AIM2: variants seen among roughly 807,000 people sequenced by gnomAD.
AIM2 encodes absent in melanoma 2, also known as interferon-inducible protein AIM2.
Under a neutral mutation model 27.7 loss-of-function variants are expected in AIM2, and 30 were observed. The observed-to-expected ratio is 1.08, with a 90% CI of 0.81 to 1.47. The LOEUF is 1.47. AIM2 is among the 40% of genes most tolerant of loss of function. The pLI, the probability that AIM2 is intolerant of heterozygous loss-of-function variation, is 0.00. For missense variants in AIM2, 358 were observed against 411.3 expected, an observed-to-expected ratio of 0.87 and a Z score of 1.12; for synonymous variants, 141 against 145.3, an observed-to-expected ratio of 0.97 and a Z score of 0.21.
chr1:159,063,485 C>A lies in AIM2; in HGVS notation c.1005+1G>T, dbSNP rs773593561. The A allele has an allele frequency of 6.2e-7, 1 of 1,611,044 alleles. No homozygotes were observed. Among genetic ancestry groups the A allele is most frequent in the Non-Finnish European group, 8.5e-7 (1 of 1,178,936 alleles). ...TTGACTTTGTTCCATGCAGTTCCCA[C>A]CTTTATGGTGCTATGAACTCCAGAT... On this transcript the variant is annotated splice_donor_variant, in intron 5 of 5. Coordinates refer to ENST00000368130, the MANE Select transcript of AIM2 (RefSeq NM_004833.3). LOFTEE classifies it high-confidence loss of function.
intron 1 of AIM2, among the ~76,000 whole-genome samples, chr1:159,117,230 A>G (rs2102035653): frequency 6.6e-6 from 1 of 152,166 alleles, no homozygotes; most frequent in East Asian, 1.9e-4. Context: ...CGCACGAGAG[A>G]GAAAGACACA....
chr1:159,068,628 T>C lies in AIM2; in HGVS notation c.336A>G (p.Ala112=). ...GCTTTGCGACATCATTTCTGATGGC[T>C]GCAGATGCAGCAGGACTCATTTCAG... ...SQAEMSPAAS[A]AIRNDVAKQR... Residue 112 remains alanine (A), a synonymous_variant, in exon 3 of 6, where the codon GCA becomes GCG. Transcript: ENST00000368130. 1 of 1,613,998 alleles carries C rather than the reference T, an allele frequency of 6.2e-7. No homozygotes were observed. The highest frequency in any genetic ancestry group is 8.5e-7 in the Non-Finnish European group (1 of 1,179,894).
chr1:159,074,450 AT>A (rs199703223), intron 1 of AIM2, among the ~76,000 whole-genome samples: 6,780 of 147,920 alleles, frequency 0.046, 299 homozygotes, highest in African/African-American at 0.12. Flanking sequence ...ATTTTTAATG[AT>A]TTTTTTTTTT....
intron 1 of AIM2, among the ~76,000 whole-genome samples, chr1:159,097,417 G>A (rs1174962258): frequency 6.6e-6 from 1 of 151,920 alleles, no homozygotes; most frequent in African/African-American, 2.4e-5. Flanking sequence ...TCACCTCCCA[G>A]CCTGCAACCC....
chr1:159,110,795 C>T lies in AIM2; in HGVS notation c.-16+29636G>A, dbSNP rs143728850. ...AACTGAGATCAAACCCTTCACTGCACACATATTAATTTTTTTAGTGGCTAA... is the reference window on the plus strand; with the variant it reads ...AACTGAGATCAAACCCTTCACTGCATACATATTAATTTTTTTAGTGGCTAA... On this transcript the variant is annotated intron_variant, in intron 1 of 2. Coordinates refer to the AIM2 transcript ENST00000368129. Among the ~76,000 whole-genome samples the T allele has an allele frequency of 1.2e-3, 179 of 152,294 alleles. 1 individual carries two copies. Among genetic ancestry groups the T allele is most frequent in the African/African-American group, 3.8e-3 (159 of 41,570 alleles).
chr1:159,101,364 C>T (rs959546047), intron 1 of AIM2, among the ~76,000 whole-genome samples: 12 of 152,284 alleles, frequency 7.9e-5, no homozygotes, highest in African/African-American at 2.9e-4. Context: ...CCCAGCCATG[C>T]AGAACTGTGA....
chr1:159,095,549 CTCTGCTATGT>C (rs1657161991), intron 1 of AIM2, among the ~76,000 whole-genome samples: 1 of 152,176 alleles, frequency 6.6e-6, no homozygotes. Context: ...CAAGAATGCT[CTCTGCTATGT>C]TCTGCACTTT....
chr1:159,085,927 T>A (rs1455447752), intron 1 of AIM2, among the ~76,000 whole-genome samples: 1 of 152,174 alleles, frequency 6.6e-6, no homozygotes, highest in Admixed American at 6.5e-5. Flanking sequence ...ACACACACAC[T>A]ATGTGAGGTG....
At chr1:159,086,488 A>C (rs1369953608) in intron 1 of AIM2, among the ~76,000 whole-genome samples, 1 of 152,156 alleles carries the variant, frequency 6.6e-6, no homozygotes, top group Non-Finnish European at 1.5e-5. Flanking sequence ...GAATCTGCAC[A>C]TACCTCGCCC....
chr1:159,092,165 T>C (rs1375878634), intron 1 of AIM2, among the ~76,000 whole-genome samples: 1 of 152,248 alleles, frequency 6.6e-6, no homozygotes, highest in Non-Finnish European at 1.5e-5. Context: ...AATAAATGAC[T>C]ATTCACAATT....
intron 1 of AIM2, among the ~76,000 whole-genome samples, chr1:159,124,911 A>C (rs912127936): frequency 1.3e-5 from 2 of 152,202 alleles, no homozygotes; most frequent in Non-Finnish European, 2.9e-5. Context: ...GATCTTTCCA[A>C]ACCACATCAA....
chr1:159,069,143 CAAA>C (rs1189793420), intron 2 of AIM2, among the ~76,000 whole-genome samples: 2 of 109,676 alleles, frequency 1.8e-5, no homozygotes, highest in Non-Finnish European at 2.0e-5. Flanking sequence ...CTGTCTGTCT[CAAA>C]AAAAAAAAAA....
chr1:159,096,047 T>A (rs1657174459), intron 1 of AIM2, among the ~76,000 whole-genome samples: 2 of 152,218 alleles, frequency 1.3e-5, no homozygotes, highest in African/African-American at 4.8e-5. Context: ...TTATAAGCTG[T>A]CTTGGTAGAG....
At chr1:159,127,210 G>T (rs1445073949) in intron 1 of AIM2, among the ~76,000 whole-genome samples, 1 of 152,112 alleles carries the variant, frequency 6.6e-6, no homozygotes, top group Non-Finnish European at 1.5e-5. Flanking sequence ...GATCCTGAGT[G>T]TTTATTTTAT....
At chr1:159,059,767 A>G (rs1419627152), downstream of AIM2, among the ~76,000 whole-genome samples, 2 of 152,194 alleles carry the variant, frequency 1.3e-5, no homozygotes, top group Non-Finnish European at 2.9e-5. Context: ...AGGACAATCT[A>G]TCTTTAAATG....
intron 1 of AIM2, among the ~76,000 whole-genome samples, 180 bp from the exon 2 acceptor site, chr1:159,073,699 G>A (rs756104419): frequency 1.3e-5 from 2 of 152,176 alleles, no homozygotes; most frequent in Non-Finnish European, 2.9e-5. Flanking sequence ...TCCTGGGAAA[G>A]ACATCTTCAG....
rs183678496 is a variant in AIM2 at position 159,108,310 on chromosome 1, T to C, written c.-16+32121A>G. Among the ~76,000 whole-genome samples, 51 of 152,260 alleles carry C rather than the reference T, an allele frequency of 3.3e-4. 1 individual carries two copies. The highest frequency in any genetic ancestry group is 3.3e-3 in the Admixed American group (51 of 15,292). On this transcript the variant is annotated intron_variant, in intron 1 of 2. Coordinates refer to the AIM2 transcript ENST00000368129. The stretch of plus-strand genomic sequence containing the variant: ...ACAAAAAATCACATGATAATCTCAA[T>C]AGATGCCGAAAAAGCATTCAACAAA...
chr1:159,068,872 C>G (rs540355167), intron 2 of AIM2, among the ~76,000 whole-genome samples, 171 bp from the exon 3 acceptor site: 3 of 152,246 alleles, frequency 2.0e-5, no homozygotes, highest in African/African-American at 4.8e-5. Flanking sequence ...GGACCTGGCA[C>G]AGACACCAGT....
At chr1:159,125,406 T>G (rs987166794) in intron 1 of AIM2, among the ~76,000 whole-genome samples, 9 of 152,360 alleles carry the variant, frequency 5.9e-5, no homozygotes, top group Middle Eastern at 3.4e-3. Context: ...TAAGTCCATA[T>G]AGTGATTTTC....
Sources: gnomAD v4.1 joint callset for allele counts (sites outside exome capture counted in the v4.1 genomes callset) on GRCh38, gnomAD v4.1.1 for gene constraint, MANE v1.5 for transcripts, NCBI Gene and HGNC (gene_info 2026-07-23, HGNC 2026-07-21) for gene names.